CSPP1: variants seen among roughly 807,000 people sequenced by gnomAD.
CSPP1 encodes the protein centrosome and spindle pole associated protein 1.
Under a neutral mutation model 164.4 loss-of-function variants are expected in CSPP1, and 126 were observed. The ratio of observed to expected loss-of-function variants is 0.77; its 90% CI spans 0.66 to 0.89. CSPP1 has a LOEUF of 0.89. Ranked by LOEUF, CSPP1 falls within the 40% of genes least tolerant of loss-of-function variation. The pLI is 0.00. For synonymous variants in CSPP1, 472 were observed against 476.7 expected (o/e 0.99, Z 0.13); for missense variants, 1,395 against 1,449.8 (o/e 0.96, Z 0.61).
In CSPP1 at chr8:67,119,270, A is replaced by AATCT. The variant is rs543894358; in HGVS notation, c.1697+453_1697+456dup. On this transcript the variant is annotated intron_variant, in intron 15 of 30. Coordinates refer to ENST00000678616, the MANE Select transcript of CSPP1 (RefSeq NM_001382391.1). ...TGTATACAACATTTTACTTATCTAA[A>AATCT]ATCTATCCATTTATCCATTAGTGGA... Among the ~76,000 whole-genome samples the AATCT allele has an allele frequency of 2.0e-4, 30 of 152,268 alleles. No individual in the cohort carries two copies. In the East Asian group the frequency reaches 5.8e-3, roughly 29 times the overall value.
intron 8 of CSPP1, 88 bp from the exon 9 acceptor site, chr8:67,105,817 T>A (rs1435136307): frequency 1.4e-6 from 1 of 735,630 alleles, no homozygotes; most frequent in Admixed American, 2.1e-5. Context: ...AGGCTAATAA[T>A]TCATAGCTAC....
intron 3 of CSPP1, chr8:67,084,251 C>T (rs1389989290): frequency 6.6e-6 from 1 of 152,142 alleles, no homozygotes; most frequent in Non-Finnish European, 1.5e-5. Flanking sequence ...TAAGAGGTGT[C>T]CCTAAGGAAT....
intron 9 of CSPP1, among the ~76,000 whole-genome samples, chr8:67,106,944 G>A (rs1186696424): frequency 6.6e-6 from 1 of 151,878 alleles, no homozygotes; most frequent in Non-Finnish European, 1.5e-5. Flanking sequence ...AATATCTGTA[G>A]GTGAAAATTG....
At chr8:67,088,365 G>A (rs550978620) in intron 4 of CSPP1, among the ~76,000 whole-genome samples, 1 of 151,942 alleles carries the variant, frequency 6.6e-6, no homozygotes, top group East Asian at 2.0e-4. Flanking sequence ...TTGGCTGACT[G>A]TAATCTCAGC....
chr8:67,182,892 A>G (rs1833416021), intron 28 of CSPP1, among the ~76,000 whole-genome samples: 1 of 152,212 alleles, frequency 6.6e-6, no homozygotes, highest in Admixed American at 6.5e-5. Flanking sequence ...CCCTTATCAG[A>G]TACATGATTT....
chr8:67,156,904 G>C (rs1826770153), intron 19 of CSPP1, among the ~76,000 whole-genome samples: 1 of 152,186 alleles, frequency 6.6e-6, no homozygotes, highest in Non-Finnish European at 1.5e-5. Context: ...AACCATGACA[G>C]GAAGATAGCT....
At chr8:67,171,936 C>T (rs759878942) in intron 24 of CSPP1, among the ~76,000 whole-genome samples, 3 of 151,960 alleles carry the variant, frequency 2.0e-5, no homozygotes, top group Non-Finnish European at 4.4e-5. Context: ...CAACCTCCAC[C>T]TCTTGGGTTC....
At chr8:67,109,078 A>T (rs575650646) in intron 9 of CSPP1, among the ~76,000 whole-genome samples, 45 of 152,338 alleles carry the variant, frequency 3.0e-4, no homozygotes, top group Non-Finnish European at 5.1e-4. Context: ...AAGTCTGGGC[A>T]TGGTTTACTG....
chr8:67,180,045 CT>C (rs1304409222), intron 28 of CSPP1, 119 bp downstream of exon 28: 2 of 546,132 alleles, frequency 3.7e-6, no homozygotes, highest in Non-Finnish European at 6.3e-6. Flanking sequence ...AAGGAATATT[CT>C]TTTTTCTGTT....
intron 2 of CSPP1, among the ~76,000 whole-genome samples, chr8:67,076,233 A>G (rs1013128351): frequency 2.0e-5 from 3 of 152,142 alleles, no homozygotes; most frequent in Admixed American, 2.0e-4. Context: ...TATACTTTCA[A>G]TGCTTGACAA....
chr8:67,150,553 A>G (rs929285650), intron 18 of CSPP1, among the ~76,000 whole-genome samples: 4 of 151,984 alleles, frequency 2.6e-5, no homozygotes, highest in African/African-American at 9.7e-5. Flanking sequence ...ACAGGTACCC[A>G]CCACCACACC....
At chr8:67,170,290 C>CAAAA (rs113067786) in intron 24 of CSPP1, among the ~76,000 whole-genome samples, 2 of 102,526 alleles carry the variant, frequency 2.0e-5, no homozygotes, top group African/African-American at 3.2e-5. Flanking sequence ...ACTAAAAATA[C>CAAAA]AAAAAAAAAA....
chr8:67,181,553 A>G (rs920593677), intron 28 of CSPP1, among the ~76,000 whole-genome samples: 12 of 152,038 alleles, frequency 7.9e-5, no homozygotes, highest in African/African-American at 2.9e-4. Context: ...AGCAGTATTT[A>G]TGGTTAACAG....
intron 24 of CSPP1, among the ~76,000 whole-genome samples, chr8:67,166,086 T>G (rs1829253185): frequency 6.6e-6 from 1 of 152,230 alleles, no homozygotes; most frequent in African/African-American, 2.4e-5. Flanking sequence ...TTGGGAGCTC[T>G]TTCAGGTTGG....
intron 17 of CSPP1, among the ~76,000 whole-genome samples, chr8:67,145,813 G>A (rs554063939): frequency 4.5e-4 from 68 of 152,122 alleles, no homozygotes; most frequent in African/African-American, 1.5e-3. Flanking sequence ...ATGAGCCACC[G>A]TGCCCAGCCC....
chr8:67,137,626 T>C, intron 17 of CSPP1, 23 bp downstream of exon 17: 1 of 1,456,244 alleles, frequency 6.9e-7, no homozygotes, highest in Non-Finnish European at 9.1e-7. Flanking sequence ...TACTGACTTG[T>C]TTTTAAAATA....
intron 10 of CSPP1, among the ~76,000 whole-genome samples, chr8:67,112,376 C>T (rs1185935779): frequency 6.6e-6 from 1 of 151,468 alleles, no homozygotes; most frequent in Non-Finnish European, 1.5e-5. Flanking sequence ...ATTGGATTAT[C>T]CCATATATAG....
At chr8:67,066,400 CCTTT>C (rs927180131) in intron 1 of CSPP1, among the ~76,000 whole-genome samples, 2 of 151,956 alleles carry the variant, frequency 1.3e-5, no homozygotes, top group African/African-American at 4.8e-5. Flanking sequence ...TTTGTCCCTC[CCTTT>C]CTTCTAAAGC....
At chr8:67,084,557 A>G (rs767805736) in intron 3 of CSPP1, among the ~76,000 whole-genome samples, 3 of 152,242 alleles carry the variant, frequency 2.0e-5, no homozygotes, top group East Asian at 3.9e-4. Context: ...TATTTCATCT[A>G]TAGTGCTCAT....
Sources: gnomAD v4.1 joint callset for allele counts (sites outside exome capture counted in the v4.1 genomes callset) on GRCh38, gnomAD v4.1.1 for gene constraint, MANE v1.5 for transcripts, NCBI Gene and HGNC (gene_info 2026-07-23, HGNC 2026-07-21) for gene names.